TTLL5: variants seen among roughly 807,000 people sequenced by gnomAD.
TTLL5 encodes tubulin polyglutamylase TTLL5.
Under a neutral mutation model 168.4 loss-of-function variants are expected in TTLL5, and 132 were observed. That is an observed-to-expected ratio of 0.78 (90% CI 0.68 to 0.91). TTLL5 has a LOEUF of 0.91. Ranked by LOEUF, TTLL5 falls within the 40% of genes least tolerant of loss-of-function variation. The probability of loss-of-function intolerance (pLI) is 0.00; values close to 1 mark genes in which losing one functional copy is unlikely to be tolerated. For missense variants in TTLL5, 1,545 were observed against 1,581.5 expected (o/e 0.98, Z 0.39); for synonymous variants, 546 against 558.6 (o/e 0.98, Z 0.32).
rs577705628 is a variant in TTLL5 at position 75,672,846 on chromosome 14, A to G, written c.181+3324A>G. Reference sequence around the variant, plus strand: ...TTTCATTTCTGTAAGGTCTGTAATAATGTCCCCACTTTCACTTCTGATTTT... The same window carrying G: ...TTTCATTTCTGTAAGGTCTGTAATAGTGTCCCCACTTTCACTTCTGATTTT... On this transcript the variant is annotated intron_variant, in intron 3 of 31. Coordinates refer to ENST00000298832, the MANE Select transcript of TTLL5 (RefSeq NM_015072.5). 5.9e-5 allele frequency among the ~76,000 whole-genome samples: 9 copies of G among 152,278 alleles called. No individual in the cohort carries two copies. In the South Asian group the frequency reaches 1.9e-3, roughly 32 times the overall value.
chr14:75,777,302 C>G (rs1371995777), intron 23 of TTLL5, among the ~76,000 whole-genome samples: 1 of 152,172 alleles, frequency 6.6e-6, no homozygotes, highest in Non-Finnish European at 1.5e-5. Context: ...CTCATATTTA[C>G]TGGGTCTGAA....
intron 6 of TTLL5, among the ~76,000 whole-genome samples, chr14:75,691,592 C>T (rs971275134): frequency 6.6e-6 from 1 of 152,220 alleles, no homozygotes; most frequent in African/African-American, 2.4e-5. Flanking sequence ...TGCTCTTCGT[C>T]TCTGTGCTTC....
intron 31 of TTLL5, among the ~76,000 whole-genome samples, chr14:75,933,501 G>A (rs2034341881): frequency 6.6e-6 from 1 of 152,128 alleles, no homozygotes; most frequent in African/African-American, 2.4e-5. Flanking sequence ...AGTTCCCATG[G>A]ATCAGACTTC....
At chr14:75,950,082 AAT>A (rs2034912208) in intron 31 of TTLL5, among the ~76,000 whole-genome samples, 1 of 152,242 alleles carries the variant, frequency 6.6e-6, no homozygotes, top group Admixed American at 6.5e-5. Context: ...TGCTTAAGAG[AAT>A]GTGATATTGA....
intron 28 of TTLL5, among the ~76,000 whole-genome samples, chr14:75,842,700 A>G (rs1436431319): frequency 6.6e-6 from 1 of 152,232 alleles, no homozygotes; most frequent in Non-Finnish European, 1.5e-5. Flanking sequence ...TGGAAAAAGT[A>G]GAAAATGGGT....
intron 27 of TTLL5, among the ~76,000 whole-genome samples, chr14:75,811,156 A>AGAGTGTGTGTGTGT (rs60194482): frequency 0.015 from 1,775 of 116,554 alleles, 35 homozygotes; most frequent in African/African-American, 0.029. Context: ...TGAAAGAAAG[A>AGAGTGTGTGTGTGT]GTGTGTGTGT....
intron 11 of TTLL5, 67 bp downstream of exon 11, chr14:75,719,893 A>G: frequency 6.7e-7 from 1 of 1,497,238 alleles, no homozygotes; most frequent in Non-Finnish European, 9.3e-7. Flanking sequence ...GTCTCTTGCC[A>G]GGAATCATTC....
intron 2 of TTLL5, among the ~76,000 whole-genome samples, chr14:75,668,733 T>G (rs569420809): frequency 1.2e-4 from 18 of 152,302 alleles, no homozygotes; most frequent in Non-Finnish European, 2.1e-4. Flanking sequence ...TTCAGAGTCT[T>G]AGGATGCATC....
intron 9 of TTLL5, among the ~76,000 whole-genome samples, chr14:75,713,831 T>C (rs778519693): frequency 6.6e-6 from 1 of 152,206 alleles, no homozygotes; most frequent in Non-Finnish European, 1.5e-5. Context: ...AGCACTTTTT[T>C]ACACTTTTAA....
At chr14:75,812,380 CAT>C (rs1180713754) in intron 27 of TTLL5, among the ~76,000 whole-genome samples, 4 of 152,162 alleles carry the variant, frequency 2.6e-5, no homozygotes, top group African/African-American at 7.2e-5. Context: ...GGGGCAGAGA[CAT>C]GTGGAACAAG....
At chr14:75,910,099 A>G (rs1361719376) in intron 31 of TTLL5, among the ~76,000 whole-genome samples, 1 of 152,216 alleles carries the variant, frequency 6.6e-6, no homozygotes, top group African/African-American at 2.4e-5. Flanking sequence ...GGATTAAGAG[A>G]TAGGCTATGG....
chr14:75,932,811 C>T (rs1286202729), intron 31 of TTLL5, among the ~76,000 whole-genome samples: 1 of 152,130 alleles, frequency 6.6e-6, no homozygotes, highest in Admixed American at 6.5e-5. Flanking sequence ...AAAATAGTTG[C>T]CATGTCTTCT....
At chr14:75,719,640 C>G in intron 10 of TTLL5, 95 bp from the exon 11 acceptor site, 1 of 1,096,364 alleles carries the variant, frequency 9.1e-7, no homozygotes, top group Non-Finnish European at 1.2e-6. Context: ...AAAAAAAAAA[C>G]TTTTTAAAAA....
chr14:75,913,191 C>T (rs749946362), intron 31 of TTLL5, among the ~76,000 whole-genome samples: 17 of 152,274 alleles, frequency 1.1e-4, no homozygotes, highest in South Asian at 2.1e-4. Context: ...GCAGTATTCT[C>T]GCTCTATCAT....
rs1353106039 is a variant in TTLL5, at chr14:75,892,300, A to T, written c.3740+9398A>T. On this transcript the variant is annotated intron_variant, in intron 30 of 31. Transcript: ENST00000298832. ...CGGGACTTAGCTGTGCTTCAAAACA[A>T]GGCACATATCTCCTTGGCCCCAAAA... 2.6e-5 allele frequency among the ~76,000 whole-genome samples: 4 copies of T among 152,214 alleles called. No homozygotes were observed. The East Asian group carries it at 7.7e-4, about 29-fold the overall frequency.
intron 31 of TTLL5, among the ~76,000 whole-genome samples, chr14:75,949,209 A>G (rs1300804013): frequency 6.6e-6 from 1 of 151,988 alleles, no homozygotes; most frequent in Non-Finnish European, 1.5e-5. Context: ...AACAGGTAGA[A>G]CATGTGATTA....
At chr14:75,943,346 C>G (rs2034671754) in intron 31 of TTLL5, among the ~76,000 whole-genome samples, 1 of 152,114 alleles carries the variant, frequency 6.6e-6, no homozygotes, top group Non-Finnish European at 1.5e-5. Context: ...CTATAGTCTC[C>G]ATATGTAAGT....
At chr14:75,763,860 G>A (rs1890809037) in intron 18 of TTLL5, among the ~76,000 whole-genome samples, 1 of 152,140 alleles carries the variant, frequency 6.6e-6, no homozygotes, top group Non-Finnish European at 1.5e-5. Flanking sequence ...GATGTATTTA[G>A]CCTTGTCCTA....
At chr14:75,766,869 A>G (rs1437392338) in intron 20 of TTLL5, among the ~76,000 whole-genome samples, 1 of 152,140 alleles carries the variant, frequency 6.6e-6, no homozygotes, top group Non-Finnish European at 1.5e-5. Context: ...AGAGGCAATA[A>G]AGACGTAGAG....
Sources: gnomAD v4.1 joint callset for allele counts (sites outside exome capture counted in the v4.1 genomes callset) on GRCh38, gnomAD v4.1.1 for gene constraint, MANE v1.5 for transcripts, NCBI Gene and HGNC (gene_info 2026-07-23, HGNC 2026-07-21) for gene names.